ZNF479: variants seen among roughly 807,000 people sequenced by gnomAD.
The protein encoded by ZNF479 is KRAB zinc finger protein KR19.
In ZNF479, 15 loss-of-function variants were observed where a neutral mutation model predicts 14.7. The observed-to-expected ratio is 1.02, with a 90% CI of 0.68 to 1.57. The LOEUF is 1.57. Among genes scored for constraint, ZNF479 ranks in the 40% most tolerant of loss-of-function variants. The probability of loss-of-function intolerance (pLI) is 0.00; values close to 1 mark genes in which losing one functional copy is unlikely to be tolerated. For missense variants in ZNF479, 506 were observed against 615.1 expected (o/e 0.82, Z 1.88); for synonymous variants, 145 against 211.5 (o/e 0.69, Z 2.73).
intron 3 of ZNF479, among the ~76,000 whole-genome samples, chr7:57,124,901 C>A (rs1428264131): frequency 1.3e-5 from 2 of 151,990 alleles, no homozygotes; most frequent in African/African-American, 2.4e-5. Context: ...ATGGTGAAAC[C>A]CACCACTACT....
intron 3 of ZNF479, among the ~76,000 whole-genome samples, chr7:57,121,405 G>C (rs1240750036): frequency 2.6e-5 from 4 of 152,162 alleles, no homozygotes; most frequent in African/African-American, 7.2e-5. Context: ...AGAGAGAAAA[G>C]AAAAGTCTGC....
At position 57,126,127 on chromosome 7, in the gene ZNF479, A is replaced by G. The variant is rs539906840; in HGVS notation, c.167-14T>C. On this transcript the variant is annotated splice_polypyrimidine_tract_variant and intron_variant, in intron 2 of 3. Coordinates refer to ENST00000319636, the MANE Select transcript of ZNF479 (RefSeq NM_001370129.2). ...AGACAGCAATACCTGTTTTATTAAGAAAAAAAAGTAACATAGATCATGCTG... is the reference window on the plus strand; with the variant it reads ...AGACAGCAATACCTGTTTTATTAAGGAAAAAAAGTAACATAGATCATGCTG... 4.6e-4 allele frequency: 732 copies of G among 1,581,934 alleles called. 5 individuals carry two copies. In the East Asian group the frequency reaches 0.013, roughly 29 times the overall value.
chr7:57,126,196 T>C (rs1339513377), intron 2 of ZNF479, 83 bp from the exon 3 acceptor site: 5 of 1,390,044 alleles, frequency 3.6e-6, no homozygotes, highest in African/African-American at 1.5e-5. Flanking sequence ...GAGGATATAA[T>C]AGAAAATTCT....
At position 57,119,008 on chromosome 7, in the gene ZNF479, C is replaced by A. The variant is rs549094567; in HGVS notation, c.*832G>T. 2.4e-4 allele frequency among the ~76,000 whole-genome samples: 36 copies of A among 152,240 alleles called. No individual in the cohort carries two copies. The highest frequency in any genetic ancestry group is 7.9e-4 in the African/African-American group (33 of 41,572). ...ACATTTTTATGTAAGCAGAGTTTCT[C>A]TCCAGTATAAAATTTTTTAGTGAGT... On this transcript the variant is annotated 3_prime_UTR_variant, in exon 4 of 4. Coordinates refer to ENST00000319636, the MANE Select transcript of ZNF479 (RefSeq NM_001370129.2).
At chr7:57,124,064 A>G (rs574298311) in intron 3 of ZNF479, among the ~76,000 whole-genome samples, 3 of 152,352 alleles carry the variant, frequency 2.0e-5, no homozygotes, top group East Asian at 1.9e-4. Context: ...AGTATAACCC[A>G]CAGTGGTGAA....
chr7:57,129,119 C>A (rs895275833), intron 1 of ZNF479, among the ~76,000 whole-genome samples: 2 of 152,136 alleles, frequency 1.3e-5, no homozygotes, highest in Non-Finnish European at 2.9e-5. Flanking sequence ...GTTTCTTTGT[C>A]CCTGCCCTCC....
At chr7:57,134,698 A>G (rs1177746574), upstream of ZNF479, among the ~76,000 whole-genome samples, 1 of 129,402 alleles carries the variant, frequency 7.7e-6, no homozygotes, top group Non-Finnish European at 1.6e-5. Flanking sequence ...TCTTTGAGAC[A>G]GCATCCTGCT....
At chr7:57,132,969 C>G (rs1334031176), upstream of ZNF479, among the ~76,000 whole-genome samples, 1 of 152,058 alleles carries the variant, frequency 6.6e-6, no homozygotes, top group Non-Finnish European at 1.5e-5. Flanking sequence ...AACCCCGTCT[C>G]TACTAAAAAT....
chr7:57,138,385 A>C (rs964022835), intron 1 of ZNF479, among the ~76,000 whole-genome samples: 2 of 152,212 alleles, frequency 1.3e-5, no homozygotes, highest in South Asian at 2.1e-4. Context: ...AAAATTGTGA[A>C]TCTTATAGGC....
rs117189028 is a variant in ZNF479, at chr7:57,120,655, C to T, written c.760G>A (p.Ala254Thr). 5.6e-6 allele frequency: 9 copies of T among 1,613,282 alleles called. No homozygotes were observed. The African/African-American group carries it at 1.2e-4, about 22-fold the overall frequency. ...GTTCTCTTATGTCTAGTAAGGTTTGCAGACCAGCTAAAGGCTTTGCCACAT... is the reference window on the plus strand; with the variant it reads ...GTTCTCTTATGTCTAGTAAGGTTTGTAGACCAGCTAAAGGCTTTGCCACAT... The part of the protein sequence containing the change: ...EECGKAFSWS[A>T]NLTRHKRTHT... Residue 254 changes from alanine (A) to threonine (T), a missense_variant, in exon 4 of 4, where the codon GCA (alanine) becomes ACA (threonine). Ala to Thr is a moderately conservative substitution (Grantham distance 58). This residue lies in a region of ZNF479 where 420 missense variants were observed against 474.2 expected (regional missense o/e 0.89). Transcript: ENST00000319636.
rs868980019 is a variant in ZNF479 at position 57,118,616 on chromosome 7, G to A, written c.*1224C>T. ...TGAACTCCTGACCTCATGATCCACC[G>A]ACCTTGGTCTCCCAAAGTGCTGGAA... On this transcript the variant is annotated 3_prime_UTR_variant, in exon 4 of 4. Transcript: ENST00000319636. 6.6e-6 allele frequency among the ~76,000 whole-genome samples: 1 copy of A among 152,016 alleles called. No individual in the cohort carries two copies.
chr7:57,137,460 T>TG (rs1442912897), intron 1 of ZNF479, among the ~76,000 whole-genome samples: 3 of 152,178 alleles, frequency 2.0e-5, no homozygotes, highest in Non-Finnish European at 4.4e-5. Context: ...CCACCACACC[T>TG]GGCCCTAAAG....
In ZNF479 at chr7:57,126,618, T is replaced by C; in HGVS notation, c.140A>G (p.Glu47Gly). ...CAGGGAGACCAGGTTTCTGTAGTTC[T>C]CTAACATCACATCTCTATATAAATT... The part of the protein sequence containing the change: ...QRNLYRDVML[E>G]NYRNLVSLGI... Residue 47 changes from glutamate to glycine, a missense_variant, in exon 2 of 4, where the codon GAG becomes GGG. Glu to Gly is a moderately conservative substitution (Grantham distance 98). Around this residue, in one of 3 missense-constraint regions of ZNF479, gnomAD observed 420 missense variants for 474.2 expected, o/e 0.89. Coordinates refer to ENST00000319636, the MANE Select transcript of ZNF479 (RefSeq NM_001370129.2). The C allele has an allele frequency of 6.2e-7, 1 of 1,613,980 alleles. No homozygotes were observed. The highest frequency in any genetic ancestry group is 8.5e-7 in the Non-Finnish European group (1 of 1,179,948).
chr7:57,128,457 A>G (rs527936566), intron 1 of ZNF479, among the ~76,000 whole-genome samples: 223 of 152,330 alleles, frequency 1.5e-3, no homozygotes, highest in Non-Finnish European at 2.7e-3. Flanking sequence ...CTAATAGAGC[A>G]CACAGATGAA....
At position 57,126,259 on chromosome 7, in the gene ZNF479, T is replaced by C; in HGVS notation, c.167-146A>G. The C allele has an allele frequency of 3.8e-6, 4 of 1,047,376 alleles. No homozygotes were observed. The South Asian group carries it at 7.6e-5, about 20-fold the overall frequency. The allele number at this position is 1,047,376 out of a possible 1,614,324, so 64.9% of individuals were successfully genotyped here. On this transcript the variant is annotated intron_variant, in intron 2 of 3. Transcript: ENST00000319636. ...ACTTTCTAAATATTCAGAAAATATT[T>C]TAAATTTGTAGGTCCTTAATTTCAC...
chr7:57,133,686 T>G (rs780468216), upstream of ZNF479, among the ~76,000 whole-genome samples: 1 of 152,114 alleles, frequency 6.6e-6, no homozygotes, highest in African/African-American at 2.4e-5. Flanking sequence ...GCTTACATGA[T>G]GAAACCCCTG....
intron 1 of ZNF479, among the ~76,000 whole-genome samples, chr7:57,128,875 T>C (rs959632583): frequency 6.6e-6 from 1 of 152,180 alleles, no homozygotes; most frequent in African/African-American, 2.4e-5. Context: ...ATTTGTTTCT[T>C]TTCCTCCTCT....
rs1785775775 is a variant in ZNF479, at chr7:57,118,602, C to T, written c.*1238G>A. ...GGCCAGGCTGGTCTTGAACTCCTGA[C>T]CTCATGATCCACCGACCTTGGTCTC... On this transcript the variant is annotated 3_prime_UTR_variant, in exon 4 of 4. Transcript: ENST00000319636. Among the ~76,000 whole-genome samples the T allele has an allele frequency of 2.6e-5, 4 of 152,308 alleles. No homozygotes were observed. The South Asian group carries it at 8.3e-4, about 32-fold the overall frequency.
At chr7:57,125,957 G>A in intron 3 of ZNF479, 61 bp downstream of exon 3, 1 of 1,565,256 alleles carries the variant, frequency 6.4e-7, no homozygotes, top group East Asian at 2.2e-5. Flanking sequence ...TTAAGGACTG[G>A]CTGCCTCCTT....
Sources: allele counts gnomAD v4.1 joint callset (sites outside exome capture counted in the v4.1 genomes callset), GRCh38; gene constraint gnomAD v4.1.1; regional missense constraint gnomAD v4.1.1; transcripts MANE v1.5; gene names NCBI Gene and HGNC (gene_info 2026-07-23, HGNC 2026-07-21).